Variants in PARD3B observed in about 807,000 individuals in gnomAD.
The protein encoded by PARD3B is partitioning defective 3 homolog B.
Under a neutral mutation model 130.2 loss-of-function variants are expected in PARD3B, and 103 were observed. That is an observed-to-expected ratio of 0.79 (90% CI 0.67 to 0.93). PARD3B has a LOEUF of 0.93. PARD3B is among the 40% of genes least tolerant of loss of function. The pLI is 0.00. For missense variants in PARD3B, 1,609 were observed against 1,499.2 expected (o/e 1.07, Z -1.21); for synonymous variants, 583 against 553.2 (o/e 1.05, Z -0.76).
intron 2 of PARD3B, among the ~76,000 whole-genome samples, chr2:204,893,450 T>A (rs780563094): frequency 7.2e-5 from 11 of 152,178 alleles, no homozygotes; most frequent in Admixed American, 4.6e-4. Context: ...AATAAATGGT[T>A]TTTTTTTGCA....
At chr2:205,326,525 C>T (rs745685785) in intron 18 of PARD3B, among the ~76,000 whole-genome samples, 22 of 152,148 alleles carry the variant, frequency 1.4e-4, no homozygotes, top group South Asian at 6.2e-4. Context: ...TGAGCTAGAA[C>T]GAAGGAGTTA....
At position 204,799,488 on chromosome 2, in the gene PARD3B, C is replaced by T. The variant is rs1193878926; in HGVS notation, c.222+113206C>T. Among the ~76,000 whole-genome samples, 1 of 152,200 alleles carries T rather than the reference C, an allele frequency of 6.6e-6. No individual in the cohort carries two copies. The highest frequency in any genetic ancestry group is 1.5e-5 in the Non-Finnish European group (1 of 68,038). ...ACACAAGCCTCTCTGGGTTTCCCAT[C>T]TGCTCACTGAAGAGCCCTTGGGCCG... On this transcript the variant is annotated intron_variant, in intron 2 of 22. Transcript: ENST00000406610. The surrounding 1 kb of genome is among the most constrained non-coding windows in gnomAD (Gnocchi z 4.1).
At chr2:204,825,267 C>T (rs748033308) in intron 2 of PARD3B, among the ~76,000 whole-genome samples, 5 of 152,100 alleles carry the variant, frequency 3.3e-5, no homozygotes, top group Non-Finnish European at 7.3e-5. Flanking sequence ...TTGAATAGCA[C>T]ACTAATTATA....
At chr2:205,106,477 ATGTATGTGTG>A (rs1405648241) in intron 5 of PARD3B, among the ~76,000 whole-genome samples, 3 of 131,878 alleles carry the variant, frequency 2.3e-5, no homozygotes, top group Admixed American at 8.3e-5. Context: ...TAGTTAAGAA[ATGTATGTGTG>A]TGTGTGTGTG....
In PARD3B at chr2:205,407,358, A is replaced by G. The variant is rs73065026; in HGVS notation, c.2741+6235A>G. ...TAAAAGATTAGTTCCAAAGGCCCAT[A>G]TTCATTGCTAGAGATATGAACCCAG... On this transcript the variant is annotated intron_variant, in intron 19 of 22. Transcript: ENST00000406610. The surrounding 1 kb of genome is among the most constrained non-coding windows in gnomAD (Gnocchi z 4.1). Among the ~76,000 whole-genome samples the G allele has an allele frequency of 5.2e-3, 791 of 152,316 alleles. 8 individuals are homozygous for G. Among genetic ancestry groups the G allele is most frequent in the African/African-American group, 0.018 (754 of 41,574 alleles).
chr2:205,047,293 A>T (rs1474395976), intron 3 of PARD3B, among the ~76,000 whole-genome samples: 1 of 152,130 alleles, frequency 6.6e-6, no homozygotes, highest in African/African-American at 2.4e-5. Context: ...CAGTTTTTAG[A>T]TTGTACACAG....
intron 3 of PARD3B, among the ~76,000 whole-genome samples, chr2:204,992,427 A>G (rs1195145039): frequency 7.9e-6 from 1 of 127,122 alleles, no homozygotes; most frequent in Non-Finnish European, 1.6e-5. Context: ...GTTCTGTTCC[A>G]TTGATCTATA....
intron 21 of PARD3B, among the ~76,000 whole-genome samples, chr2:205,504,941 G>A (rs868616118): frequency 9.2e-5 from 14 of 152,122 alleles, no homozygotes; most frequent in South Asian, 4.1e-4. Flanking sequence ...ACATGCACGC[G>A]TATGTTTATT....
intron 3 of PARD3B, among the ~76,000 whole-genome samples, chr2:204,987,194 GA>G (rs1314541180): frequency 6.6e-6 from 1 of 152,010 alleles, no homozygotes; most frequent in African/African-American, 2.4e-5. Context: ...TACCCTAAAA[GA>G]AAAAAATGAA....
chr2:205,482,981 G>C (rs915214592), intron 20 of PARD3B, among the ~76,000 whole-genome samples: 1 of 151,944 alleles, frequency 6.6e-6, no homozygotes, highest in Non-Finnish European at 1.5e-5. Context: ...CTGAATTCCA[G>C]GGTGCAAAAC....
At chr2:204,563,263 C>CTCTT (rs202056756) in intron 1 of PARD3B, among the ~76,000 whole-genome samples, 1 of 139,424 alleles carries the variant, frequency 7.2e-6, no homozygotes. Flanking sequence ...CTCTCTCTCT[C>CTCTT]TCTTTCTCTC....
At chr2:205,156,271 C>CGGG (rs11300867) in intron 10 of PARD3B, among the ~76,000 whole-genome samples, 7 of 75,606 alleles carry the variant, frequency 9.3e-5, no homozygotes, top group African/African-American at 2.1e-4. Context: ...GTGGGGTGGG[C>CGGG]GGGGGGGGGA....
intron 5 of PARD3B, among the ~76,000 whole-genome samples, chr2:205,109,169 CTT>C (rs1703444946): frequency 6.6e-6 from 1 of 152,170 alleles, no homozygotes; most frequent in Non-Finnish European, 1.5e-5. Context: ...ACAACAAAGT[CTT>C]TGATAGATTT....
intron 15 of PARD3B, among the ~76,000 whole-genome samples, chr2:205,233,162 A>G (rs1470281624): frequency 6.6e-6 from 1 of 152,220 alleles, no homozygotes; most frequent in East Asian, 1.9e-4. Context: ...AGAGAAAAAA[A>G]GAGGAACAGC....
intron 2 of PARD3B, among the ~76,000 whole-genome samples, chr2:204,949,631 C>G (rs1324382391): frequency 1.3e-5 from 2 of 152,080 alleles, no homozygotes; most frequent in Non-Finnish European, 2.9e-5. Flanking sequence ...CTTTGTTTTC[C>G]TTTTAATTTT....
intron 18 of PARD3B, among the ~76,000 whole-genome samples, chr2:205,310,710 T>C (rs868479074): frequency 8.2e-6 from 1 of 122,580 alleles, no homozygotes; most frequent in East Asian, 2.3e-4. Flanking sequence ...TTCCTTTCTT[T>C]CTTTCTTTCT....
intron 15 of PARD3B, among the ~76,000 whole-genome samples, chr2:205,225,958 T>C (rs2038518332): frequency 6.6e-6 from 1 of 152,214 alleles, no homozygotes; most frequent in Middle Eastern, 3.2e-3. Flanking sequence ...GATTGTCTCT[T>C]CACTTTGTTC....
chr2:204,695,970 A>G (rs148498852), intron 2 of PARD3B, among the ~76,000 whole-genome samples: 3,960 of 152,180 alleles, frequency 0.026, 94 homozygotes, highest in Non-Finnish European at 0.035. Context: ...TTCCAGGTAC[A>G]GACCATCAAG....
intron 3 of PARD3B, among the ~76,000 whole-genome samples, chr2:205,010,512 A>G (rs1695629060): frequency 6.6e-6 from 1 of 152,206 alleles, no homozygotes. Context: ...GTAGCTTTCT[A>G]AGAAAGATTA....
Sources: gnomAD v4.1 joint callset for allele counts (sites outside exome capture counted in the v4.1 genomes callset) on GRCh38, gnomAD v4.1.1 for gene constraint, Gnocchi (gnomAD v3.1) non-coding constraint, MANE v1.5 for transcripts, NCBI Gene and HGNC (gene_info 2026-07-23, HGNC 2026-07-21) for gene names.